Variants in ARHGAP15 observed in about 807,000 individuals in gnomAD.
ARHGAP15 encodes Rho GTPase activating protein 15.
ARHGAP15 carries 51 observed loss-of-function variants against 63.7 expected under a neutral mutation model. That is an observed-to-expected ratio of 0.80 (90% CI 0.64 to 1.01). ARHGAP15 has a LOEUF of 1.01. ARHGAP15 is among the 50% of genes least tolerant of loss of function. The pLI is 0.00. For missense variants in ARHGAP15, 560 were observed against 564.6 expected (o/e 0.99, Z 0.08); for synonymous variants, 191 against 193.8 (o/e 0.99, Z 0.12).
chr2:143,743,587 A>C (rs1291672247), intron 13 of ARHGAP15, among the ~76,000 whole-genome samples: 2 of 152,150 alleles, frequency 1.3e-5, no homozygotes, highest in Admixed American at 6.5e-5. Flanking sequence ...CTCTGCCATG[A>C]AAGCCATGTT....
chr2:143,216,575 T>C, intron 4 of ARHGAP15, 130 bp downstream of exon 4: 1 of 615,600 alleles, frequency 1.6e-6, no homozygotes. Flanking sequence ...CTGCTACTGC[T>C]ATGATCAACA....
At chr2:143,528,975 C>G (rs1694407349) in intron 10 of ARHGAP15, among the ~76,000 whole-genome samples, 2 of 152,100 alleles carry the variant, frequency 1.3e-5, no homozygotes, top group Admixed American at 1.3e-4. Flanking sequence ...TCAGGGTGAT[C>G]TCAATTATAC....
intron 10 of ARHGAP15, among the ~76,000 whole-genome samples, chr2:143,529,763 T>G (rs142381007): frequency 5.6e-4 from 86 of 152,224 alleles, no homozygotes; most frequent in Non-Finnish European, 1.1e-3. Flanking sequence ...CAAGGAATAT[T>G]CTCTAACTTA....
rs181990432 is a variant in ARHGAP15 at position 143,660,060 on chromosome 2, G to A, written c.1138+35793G>A. On this transcript the variant is annotated intron_variant, in intron 12 of 13. Coordinates refer to ENST00000295095, the MANE Select transcript of ARHGAP15 (RefSeq NM_018460.4). ...GTGTTCCAAAATACAACAGATGTGA[G>A]TCTCAAATGTTTTGCTGCCATGTGA... 2.8e-4 allele frequency among the ~76,000 whole-genome samples: 43 copies of A among 152,284 alleles called. No homozygotes were observed. The East Asian group carries it at 7.5e-3, about 27-fold the overall frequency.
chr2:143,130,164 T>C (rs1688864817), intron 1 of ARHGAP15, among the ~76,000 whole-genome samples: 3 of 152,130 alleles, frequency 2.0e-5, no homozygotes, highest in Non-Finnish European at 2.9e-5. Flanking sequence ...ATTAGAGGTA[T>C]ACTTTTGTTA....
chr2:143,217,341 T>A (rs1037810863), intron 4 of ARHGAP15, among the ~76,000 whole-genome samples: 1 of 152,104 alleles, frequency 6.6e-6, no homozygotes, highest in Non-Finnish European at 1.5e-5. Flanking sequence ...AAAGTAAAAT[T>A]TGGAGGGGGG....
At chr2:143,176,042 G>A (rs1389403937) in intron 2 of ARHGAP15, among the ~76,000 whole-genome samples, 2 of 152,080 alleles carry the variant, frequency 1.3e-5, no homozygotes, top group African/African-American at 2.4e-5. Context: ...CAGATTTCAA[G>A]GGAATCATTC....
Position 143,703,475 on chromosome 2 carries a change from C to G in ARHGAP15, c.1195C>G (p.Pro399Ala). 6.2e-7 allele frequency: 1 copy of G among 1,612,574 alleles called. No homozygotes were observed. The highest frequency in any genetic ancestry group is 8.5e-7 in the Non-Finnish European group (1 of 1,179,358). The change falls in exon 13 of 14, where the codon CCT becomes GCT. Residue 399 changes from proline (P) to alanine (A), a missense_variant. Physicochemically the swap from Pro to Ala is conservative, Grantham distance 27. Transcript: ENST00000295095. The part of the protein sequence containing the change: ...EAVKSLVQKL[P>A]PPNRDTMKVL... ...TGTAAAATCTCTTGTACAAAAACTCCCTCCGCCAAATCGTGACACCATGAA... is the reference window on the plus strand; with the variant it reads ...TGTAAAATCTCTTGTACAAAAACTCGCTCCGCCAAATCGTGACACCATGAA...
chr2:143,543,556 A>T (rs1695196394), intron 10 of ARHGAP15, among the ~76,000 whole-genome samples: 1 of 151,988 alleles, frequency 6.6e-6, no homozygotes, highest in African/African-American at 2.4e-5. Flanking sequence ...TCCTAGTTTG[A>T]TGTAATCTCA....
chr2:143,494,316 A>G (rs1001258158), intron 9 of ARHGAP15, among the ~76,000 whole-genome samples: 23 of 152,024 alleles, frequency 1.5e-4, no homozygotes, highest in African/African-American at 5.3e-4. Context: ...AACTTTAGCA[A>G]TCATGTTTTC....
chr2:143,557,466 G>T (rs1695856258), intron 11 of ARHGAP15, among the ~76,000 whole-genome samples: 1 of 152,038 alleles, frequency 6.6e-6, no homozygotes, highest in Non-Finnish European at 1.5e-5. Flanking sequence ...AGTAGGACGA[G>T]CTTGGGGGAA....
intron 11 of ARHGAP15, among the ~76,000 whole-genome samples, chr2:143,558,001 A>G (rs1034691577): frequency 6.6e-6 from 1 of 152,000 alleles, no homozygotes; most frequent in African/African-American, 2.4e-5. Context: ...CCTTGGAAAC[A>G]TTTGGGAAAA....
At chr2:143,543,872 G>A (rs1032625044) in intron 10 of ARHGAP15, among the ~76,000 whole-genome samples, 5 of 152,114 alleles carry the variant, frequency 3.3e-5, no homozygotes, top group Admixed American at 2.6e-4. Flanking sequence ...TTCTTTGTTA[G>A]ATGGTTAACA....
intron 6 of ARHGAP15, among the ~76,000 whole-genome samples, chr2:143,424,596 T>C (rs1219719933): frequency 6.6e-6 from 1 of 152,042 alleles, no homozygotes; most frequent in Admixed American, 6.6e-5. Context: ...GCTTTTCCTT[T>C]CACCTGTGTT....
At chr2:143,450,119 A>G (rs1199990263) in intron 8 of ARHGAP15, among the ~76,000 whole-genome samples, 2 of 107,722 alleles carry the variant, frequency 1.9e-5, no homozygotes, top group Non-Finnish European at 3.8e-5. Flanking sequence ...TTTTTTTCCT[A>G]GTAGGTACCT....
intron 1 of ARHGAP15, among the ~76,000 whole-genome samples, chr2:143,151,552 T>C (rs192920128): frequency 3.5e-4 from 54 of 152,140 alleles, no homozygotes; most frequent in African/African-American, 1.2e-3. Flanking sequence ...AGTCTAATCA[T>C]ACCCCTCCCA....
At chr2:143,317,596 C>A (rs1458601742) in intron 6 of ARHGAP15, among the ~76,000 whole-genome samples, 16 of 152,178 alleles carry the variant, frequency 1.1e-4, no homozygotes. Context: ...AAACAGCATA[C>A]CTGTGGAATT....
intron 5 of ARHGAP15, among the ~76,000 whole-genome samples, chr2:143,240,145 C>T (rs1357804792): frequency 1.3e-5 from 2 of 151,232 alleles, no homozygotes; most frequent in East Asian, 3.9e-4. Flanking sequence ...CACTGCACTA[C>T]AGGCTAGGCA....
intron 8 of ARHGAP15, among the ~76,000 whole-genome samples, chr2:143,440,307 C>T (rs1338783136): frequency 1.3e-5 from 2 of 152,092 alleles, no homozygotes; most frequent in African/African-American, 4.8e-5. Flanking sequence ...ATTTGAACAC[C>T]CAAACTTAGG....
Sources: allele counts gnomAD v4.1 joint callset (sites outside exome capture counted in the v4.1 genomes callset), GRCh38; gene constraint gnomAD v4.1.1; transcripts MANE v1.5; gene names NCBI Gene and HGNC (gene_info 2026-07-23, HGNC 2026-07-21).